Variants in LSS observed in about 807,000 individuals in gnomAD.
LSS encodes the protein lanosterol synthase.
Under a neutral mutation model 110.3 loss-of-function variants are expected in LSS, and 90 were observed. The ratio of observed to expected loss-of-function variants is 0.82; its 90% CI spans 0.69 to 0.97. The LOEUF (loss-of-function observed/expected upper bound fraction) is 0.97. Among genes scored for constraint, LSS ranks in the 50% least tolerant of loss-of-function variants. LSS has a pLI of 0.00. For synonymous variants in LSS, 433 were observed against 400.0 expected, an observed-to-expected ratio of 1.08 and a Z score of -0.98; for missense variants, 927 against 990.0, an observed-to-expected ratio of 0.94 and a Z score of 0.85.
At chr21:46,192,563 G>A (rs1328840732) in intron 20 of LSS, 17 of 395,944 alleles carry the variant, frequency 4.3e-5, no homozygotes, top group Admixed American at 4.2e-4. Context: ...TGTGTGCATA[G>A]ACCTGTATGT....
intron 17 of LSS, among the ~76,000 whole-genome samples, chr21:46,199,100 C>A (rs564284991): frequency 3.5e-4 from 53 of 152,176 alleles, no homozygotes; most frequent in African/African-American, 8.7e-4. Context: ...AATGAAAAGA[C>A]AAGACACAGG....
intron 13 of LSS, 114 bp from the exon 14 acceptor site, chr21:46,208,415 G>C: frequency 1.0e-6 from 1 of 962,476 alleles, no homozygotes; most frequent in South Asian, 1.4e-5. Context: ...AACGTGCCTG[G>C]GAGCTTACTC....
chr21:46,217,685 C>T (rs1429513457), intron 6 of LSS, among the ~76,000 whole-genome samples: 1 of 152,226 alleles, frequency 6.6e-6, no homozygotes, highest in East Asian at 1.9e-4. Context: ...CGTGCCCATG[C>T]GGCAGCACTG....
chr21:46,215,076 G>T, intron 9 of LSS, 104 bp downstream of exon 9: 1 of 899,404 alleles, frequency 1.1e-6, no homozygotes, highest in Non-Finnish European at 1.8e-6. Flanking sequence ...GGTACACCAG[G>T]CTCCAGGAAA....
chr21:46,213,425 G>A (rs1019889469), intron 10 of LSS, among the ~76,000 whole-genome samples: 10 of 152,078 alleles, frequency 6.6e-5, no homozygotes, highest in Non-Finnish European at 1.2e-4. Flanking sequence ...CCCACCTCCA[G>A]GGCACAGTCC....
intron 21 of LSS, among the ~76,000 whole-genome samples, chr21:46,191,615 A>C (rs949791848): frequency 6.6e-6 from 1 of 152,186 alleles, no homozygotes; most frequent in Non-Finnish European, 1.5e-5. Context: ...TCTGTCCTGC[A>C]GCAAAAAGGC....
intron 17 of LSS, among the ~76,000 whole-genome samples, chr21:46,202,968 G>C (rs1208361278): frequency 6.6e-6 from 1 of 152,302 alleles, no homozygotes; most frequent in Admixed American, 6.5e-5. Context: ...GCTCCCCTGC[G>C]GGCCACATCC....
At chr21:46,200,772 C>T (rs1054992889) in intron 17 of LSS, among the ~76,000 whole-genome samples, 6 of 152,166 alleles carry the variant, frequency 3.9e-5, no homozygotes, top group Admixed American at 3.9e-4. Context: ...ACAAATGCAA[C>T]CCATGATATT....
At position 46,194,355 on chromosome 21, in the gene LSS, T is replaced by C. The variant is rs1415163560; in HGVS notation, c.1988+136A>G. The C allele has an allele frequency of 2.1e-5, 22 of 1,049,562 alleles. No individual in the cohort carries two copies. In the East Asian group the frequency reaches 5.2e-4, roughly 25 times the overall value. The allele number at this position is 1,049,562 out of a possible 1,614,324, so 65.0% of individuals were successfully genotyped here. On this transcript the variant is annotated intron_variant, in intron 20 of 21. Transcript: ENST00000397728. ...GGCATGTGGCTCTTGTAGGTGTCTG[T>C]TCCCAGAGTGGCAGCTGACCTGGCC... is the stretch of plus-strand genomic sequence containing the variant.
intron 11 of LSS, among the ~76,000 whole-genome samples, chr21:46,211,027 G>A (rs1217092922): frequency 2.6e-5 from 4 of 152,222 alleles, no homozygotes; most frequent in African/African-American, 9.6e-5. Context: ...TCTAGGACTG[G>A]ACGATCCCTT....
At chr21:46,200,982 G>T (rs2079970597) in intron 17 of LSS, among the ~76,000 whole-genome samples, 1 of 152,210 alleles carries the variant, frequency 6.6e-6, no homozygotes, top group African/African-American at 2.4e-5. Context: ...AATGGGCCTG[G>T]ATCATGTGGG....
chr21:46,208,915 T>G (rs1000343428), intron 13 of LSS, among the ~76,000 whole-genome samples: 7 of 151,926 alleles, frequency 4.6e-5, no homozygotes, highest in African/African-American at 1.7e-4. Context: ...AATGTCCTAG[T>G]GAGAGCTGAA....
chr21:46,196,732 T>C (rs2079914311), intron 17 of LSS, among the ~76,000 whole-genome samples: 1 of 152,230 alleles, frequency 6.6e-6, no homozygotes, highest in Non-Finnish European at 1.5e-5. Flanking sequence ...TGTCACCCTG[T>C]GGGACGTGGG....
intron 4 of LSS, 47 bp downstream of exon 4, chr21:46,222,583 A>C (rs2123759690): frequency 1.3e-6 from 2 of 1,533,412 alleles, no homozygotes; most frequent in Non-Finnish European, 1.8e-6. Flanking sequence ...ACATCATGAG[A>C]ACACACACAT....
chr21:46,205,612 G>T (rs973619800), intron 17 of LSS, among the ~76,000 whole-genome samples: 4 of 152,230 alleles, frequency 2.6e-5, no homozygotes, highest in Non-Finnish European at 4.4e-5. Context: ...AAAAGAGAGA[G>T]AAAATCCATT....
rs373861822 is a variant in LSS at position 46,205,887 on chromosome 21, G to A, written c.1619C>T (p.Ala540Val). 31 of 1,611,402 alleles carry A rather than the reference G, an allele frequency of 1.9e-5. No individual in the cohort carries two copies. The highest frequency in any genetic ancestry group is 1.6e-4 in the Middle Eastern group (1 of 6,084). The change falls in exon 17 of 22, where the codon GCG becomes GTG. Residue 540 changes from alanine to valine, a missense_variant. Transcript: ENST00000397728. ...GAAACGCTTGTGGAAATACTTAAGC[G>A]CCTGCATCACGGCTGAGGTGCACTC... The part of the protein sequence containing the change: ...YVECTSAVMQ[A>V]LKYFHKRFPE...
chr21:46,208,171 C>T (rs913171528), intron 14 of LSS, 80 bp downstream of exon 14: 1 of 1,363,630 alleles, frequency 7.3e-7, no homozygotes, highest in Non-Finnish European at 1.0e-6. Flanking sequence ...AGGAGCCCCC[C>T]CTTCAGAGGG....
rs149162634 is a variant in LSS, at chr21:46,222,699, G to A, written c.359C>T (p.Pro120Leu). 4 of 1,613,910 alleles carry A rather than the reference G, an allele frequency of 2.5e-6. No homozygotes were observed. Among genetic ancestry groups the A allele is most frequent in the Non-Finnish European group, 3.4e-6 (4 of 1,180,020 alleles). Reference protein sequence around the residue: ...ITCHVARIPLPAGYREEIVRY... With the variant: ...ITCHVARIPLLAGYREEIVRY... ...CACAATCTCTTCTCTGTATCCGGCTGGCAGAGGGATGCGTGCCACGTGGCA... is the reference window on the plus strand; with the variant it reads ...CACAATCTCTTCTCTGTATCCGGCTAGCAGAGGGATGCGTGCCACGTGGCA... The change falls in exon 4 of 22, where the codon CCA (proline) becomes CTA (leucine). Residue 120 changes from proline (P) to leucine (L), a missense_variant. Coordinates refer to ENST00000397728, the MANE Select transcript of LSS (RefSeq NM_002340.6).
chr21:46,227,789 T>G, intron 2 of LSS, 99 bp from the exon 3 acceptor site: 3 of 1,358,938 alleles, frequency 2.2e-6, no homozygotes, highest in Non-Finnish European at 3.1e-6. Flanking sequence ...AAACAGTGAA[T>G]GTAAATTACT....
Sources: gnomAD v4.1 joint callset for allele counts (sites outside exome capture counted in the v4.1 genomes callset) on GRCh38, gnomAD v4.1.1 for gene constraint, MANE v1.5 for transcripts, NCBI Gene and HGNC (gene_info 2026-07-23, HGNC 2026-07-21) for gene names.